Variants in NCALD observed in about 807,000 individuals in gnomAD.
NCALD encodes the protein neurocalcin delta.
In NCALD, 10 loss-of-function variants were observed where a neutral mutation model predicts 18.6. The ratio of observed to expected loss-of-function variants is 0.54; its 90% CI spans 0.33 to 0.91. The LOEUF is 0.91. Among genes scored for constraint, NCALD ranks in the 40% least tolerant of loss-of-function variants. The pLI, the probability that NCALD is intolerant of heterozygous loss-of-function variation, is 0.03. For synonymous variants in NCALD, 88 were observed against 87.4 expected (o/e 1.01, Z -0.04); for missense variants, 184 against 247.6 (o/e 0.74, Z 1.72).
intron 1 of NCALD, among the ~76,000 whole-genome samples, chr8:101,784,091 T>C (rs1812124016): frequency 6.6e-6 from 1 of 152,074 alleles, no homozygotes; most frequent in Non-Finnish European, 1.5e-5. Flanking sequence ...AACTGCAACC[T>C]GGGGCAGAGC....
chr8:101,915,790 A>G (rs1409214611), intron 3 of NCALD: 1 of 152,198 alleles, frequency 6.6e-6, no homozygotes, highest in Non-Finnish European at 1.5e-5. Context: ...TAAGAAGAAC[A>G]TTTTAAATAT....
chr8:101,700,313 C>T (rs1334321863), intron 2 of NCALD, among the ~76,000 whole-genome samples: 1 of 152,138 alleles, frequency 6.6e-6, no homozygotes, highest in African/African-American at 2.4e-5. Context: ...CTCAGTCTCC[C>T]AAAGTGCTGG....
At chr8:102,122,856 CA>C (rs1183686908) in intron 1 of NCALD, among the ~76,000 whole-genome samples, 1 of 152,216 alleles carries the variant, frequency 6.6e-6, no homozygotes, top group Non-Finnish European at 1.5e-5. Flanking sequence ...AGAGGGTCTA[CA>C]GGACTGGACA....
chr8:101,737,594 C>A (rs1809984035), intron 1 of NCALD, among the ~76,000 whole-genome samples: 1 of 152,330 alleles, frequency 6.6e-6, no homozygotes, highest in East Asian at 1.9e-4. Context: ...GCCTCTCCAG[C>A]CCTATAAAGG....
intron 2 of NCALD, among the ~76,000 whole-genome samples, chr8:101,714,985 C>T (rs1331679408): frequency 2.1e-5 from 3 of 139,794 alleles, no homozygotes; most frequent in East Asian, 4.0e-4. Flanking sequence ...GCCTGGGCGA[C>T]AGAGCGAGAC....
At chr8:101,826,380 CATGAGACTT>C (rs1244082325) in intron 4 of NCALD, among the ~76,000 whole-genome samples, 1 of 151,722 alleles carries the variant, frequency 6.6e-6, no homozygotes, top group East Asian at 1.9e-4. Flanking sequence ...TTTTAGTCTT[CATGAGACTT>C]CTAGAATCTT....
At chr8:101,924,262 T>C (rs1211286506) in intron 2 of NCALD, among the ~76,000 whole-genome samples, 1 of 152,224 alleles carries the variant, frequency 6.6e-6, no homozygotes, top group Non-Finnish European at 1.5e-5. Context: ...AACCATCCTA[T>C]CAGTCAGCCA....
chr8:102,068,611 C>T (rs1230428409), intron 1 of NCALD, among the ~76,000 whole-genome samples: 1 of 152,208 alleles, frequency 6.6e-6, no homozygotes, highest in Non-Finnish European at 1.5e-5. Flanking sequence ...CTCTAGATTC[C>T]ACCAGTCTGT....
intron 1 of NCALD, among the ~76,000 whole-genome samples, chr8:101,727,606 G>A (rs12544980): frequency 0.22 from 32,900 of 152,154 alleles, 3,727 homozygotes; most frequent in Admixed American, 0.28. Context: ...TCAGCCTCCT[G>A]TGTAGCTGCG....
intron 1 of NCALD, among the ~76,000 whole-genome samples, chr8:102,040,018 A>C (rs1822993346): frequency 6.6e-6 from 1 of 152,208 alleles, no homozygotes; most frequent in Admixed American, 6.5e-5. Context: ...TTTTCTTTAC[A>C]TATTATGTAG....
Position 101,986,834 on chromosome 8 carries a change from A to G in NCALD, c.-157+33403T>C, listed in dbSNP as rs546180322. On this transcript the variant is annotated intron_variant, in intron 2 of 6. Coordinates refer to the NCALD transcript ENST00000311028. ...AATATTTTTGTCTCACCCAGTGCTT[A>G]ATCTTAAGGAAAGAATTGCTAATTA... is the stretch of plus-strand genomic sequence containing the variant. Among the ~76,000 whole-genome samples, 11 of 152,392 alleles carry G rather than the reference A, an allele frequency of 7.2e-5. No homozygotes were observed. In the East Asian group the frequency reaches 1.3e-3, roughly 19 times the overall value.
chr8:101,838,368 T>C (rs1331039524), intron 4 of NCALD, among the ~76,000 whole-genome samples: 1 of 152,210 alleles, frequency 6.6e-6, no homozygotes, highest in Middle Eastern at 3.4e-3. Flanking sequence ...ACTACAGGTG[T>C]GCACCACAAT....
chr8:101,787,573 T>A (rs1812277686), intron 1 of NCALD, among the ~76,000 whole-genome samples: 1 of 152,130 alleles, frequency 6.6e-6, no homozygotes, highest in African/African-American at 2.4e-5. Context: ...GAGAGGAATA[T>A]CAGGCACTAT....
chr8:102,119,087 A>C (rs1420806285), intron 1 of NCALD, among the ~76,000 whole-genome samples: 1 of 152,218 alleles, frequency 6.6e-6, no homozygotes, highest in East Asian at 1.9e-4. Context: ...ACCCAGAAGA[A>C]CTGAAAACAG....
intron 4 of NCALD, among the ~76,000 whole-genome samples, chr8:101,846,674 G>A (rs1488766571): frequency 6.6e-6 from 1 of 152,178 alleles, no homozygotes; most frequent in Non-Finnish European, 1.5e-5. Context: ...CTTTCTGCAT[G>A]ATCATTCTAG....
intron 1 of NCALD, among the ~76,000 whole-genome samples, chr8:102,119,286 TG>T (rs376896248): frequency 2.8e-4 from 42 of 152,296 alleles, no homozygotes; most frequent in African/African-American, 9.4e-4. Flanking sequence ...GGATGATCTC[TG>T]GGGACATTAT....
chr8:101,763,874 C>T (rs1232087627), intron 1 of NCALD, among the ~76,000 whole-genome samples: 2 of 151,768 alleles, frequency 1.3e-5, no homozygotes, highest in African/African-American at 2.4e-5. Flanking sequence ...TCCTGGGTCT[C>T]CCGCTTGCCA....
At chr8:101,753,904 T>C (rs1810764196) in intron 1 of NCALD, among the ~76,000 whole-genome samples, 1 of 152,192 alleles carries the variant, frequency 6.6e-6, no homozygotes, top group Non-Finnish European at 1.5e-5. Context: ...TTCTGTGAGA[T>C]AACATATGAT....
chr8:102,008,857 T>A (rs1821800562), intron 2 of NCALD, among the ~76,000 whole-genome samples: 3 of 151,250 alleles, frequency 2.0e-5, no homozygotes, highest in Admixed American at 2.0e-4. Flanking sequence ...GATTTGGGTT[T>A]CTCCTGTTTA....
Sources: gnomAD v4.1 joint callset for allele counts (sites outside exome capture counted in the v4.1 genomes callset) on GRCh38, gnomAD v4.1.1 for gene constraint, MANE v1.5 for transcripts, NCBI Gene and HGNC (gene_info 2026-07-23, HGNC 2026-07-21) for gene names.